The following ZDHHC11B variants were observed in gnomAD, a reference collection of about 807,000 sequenced individuals.
ZDHHC11B encodes probable palmitoyltransferase ZDHHC11B.
A neutral mutation model predicts 42.3 loss-of-function variants in ZDHHC11B; 17 were observed. That is an observed-to-expected ratio of 0.40 (90% CI 0.27 to 0.60). ZDHHC11B has a LOEUF of 0.60. Ranked by LOEUF, ZDHHC11B falls within the 20% of genes least tolerant of loss-of-function variation. ZDHHC11B has a pLI of 0.41. For missense variants in ZDHHC11B, 262 were observed against 463.2 expected, an observed-to-expected ratio of 0.57 and a Z score of 3.99; for synonymous variants, 123 against 193.5, an observed-to-expected ratio of 0.64 and a Z score of 3.02.
At chr5:783,575 A>G (rs1455687303) in intron 1 of ZDHHC11B, among the ~76,000 whole-genome samples, 2 of 152,214 alleles carry the variant, frequency 1.3e-5, no homozygotes, top group Non-Finnish European at 1.5e-5. Context: ...TGCCAGGTGG[A>G]TCAGCGGTGA....
At chr5:730,007 T>A (rs1385697840) in intron 12 of ZDHHC11B, among the ~76,000 whole-genome samples, 1 of 151,118 alleles carries the variant, frequency 6.6e-6, no homozygotes, top group East Asian at 1.9e-4. Context: ...GCTTTTTAGT[T>A]TGGAGGGTGA....
At chr5:758,181 C>A (rs772773848) in intron 4 of ZDHHC11B, among the ~76,000 whole-genome samples, 1 of 151,878 alleles carries the variant, frequency 6.6e-6, no homozygotes, top group Non-Finnish European at 1.5e-5. Flanking sequence ...CCTTGGGACG[C>A]TATCGGTGGC....
chr5:765,856 G>A (rs1227290828), intron 4 of ZDHHC11B, among the ~76,000 whole-genome samples: 6 of 151,874 alleles, frequency 4.0e-5, no homozygotes, highest in African/African-American at 4.8e-5. Flanking sequence ...GAGGGTCTGC[G>A]GCTTCATTCT....
At chr5:723,018 C>A (rs1195842904) in intron 12 of ZDHHC11B, among the ~76,000 whole-genome samples, 10 of 151,460 alleles carry the variant, frequency 6.6e-5, no homozygotes, top group Non-Finnish European at 1.5e-4. Context: ...ATCTAAGGAA[C>A]AAAATTTGAA....
intron 3 of ZDHHC11B, 121 bp downstream of exon 3, chr5:767,271 C>A: frequency 1.7e-6 from 2 of 1,184,018 alleles, no homozygotes; most frequent in Non-Finnish European, 2.4e-6. Context: ...ACCTGAGCTG[C>A]CATCTGGACG....
intron 12 of ZDHHC11B, among the ~76,000 whole-genome samples, chr5:727,769 T>C (rs1434998436): frequency 2.4e-5 from 3 of 124,228 alleles, no homozygotes; most frequent in Non-Finnish European, 3.5e-5. Context: ...GCTCTCTCCC[T>C]GTATGCAAAA....
At chr5:754,690 A>T (rs1455348803) in intron 6 of ZDHHC11B, among the ~76,000 whole-genome samples, 1 of 110,340 alleles carries the variant, frequency 9.1e-6, no homozygotes, top group Non-Finnish European at 2.0e-5. Context: ...CTGGGTGGAG[A>T]GAAGGCAGCC....
chr5:761,855 C>T (rs372141660), intron 4 of ZDHHC11B, among the ~76,000 whole-genome samples: 1 of 8,918 alleles, frequency 1.1e-4, no homozygotes, highest in Admixed American at 1.4e-3. Flanking sequence ...CAGCCTCTCA[C>T]AGACCAGACA....
chr5:724,614 G>T (rs57936239), intron 12 of ZDHHC11B, among the ~76,000 whole-genome samples: 47,875 of 117,766 alleles, frequency 0.41, 7,543 homozygotes, highest in African/African-American at 0.49. Flanking sequence ...CTGTCCTCTT[G>T]ATCTGCTTTC....
chr5:784,303 C>G (rs1356905165), intron 1 of ZDHHC11B, among the ~76,000 whole-genome samples: 1 of 151,862 alleles, frequency 6.6e-6, no homozygotes, highest in African/African-American at 2.4e-5. Context: ...GTTCCAGCCC[C>G]GGGCTGGGCA....
intron 1 of ZDHHC11B, among the ~76,000 whole-genome samples, chr5:773,041 C>T (rs1423630797): frequency 6.6e-6 from 1 of 151,992 alleles, no homozygotes; most frequent in Non-Finnish European, 1.5e-5. Context: ...GCCACACACA[C>T]AGATCAGGAG....
chr5:739,395 C>CACAA (rs1561134506), intron 10 of ZDHHC11B, among the ~76,000 whole-genome samples: 1 of 132,286 alleles, frequency 7.6e-6, no homozygotes, highest in Non-Finnish European at 1.6e-5. Context: ...GAGACTCTGT[C>CACAA]TCAAACAAAC....
At chr5:759,477 C>T (rs1224777382) in intron 4 of ZDHHC11B, among the ~76,000 whole-genome samples, 1 of 151,972 alleles carries the variant, frequency 6.6e-6, no homozygotes, top group Non-Finnish European at 1.5e-5. Context: ...CTACCGAGCT[C>T]GTGCTGCCCT....
chr5:757,823 G>T (rs144694410), intron 4 of ZDHHC11B, among the ~76,000 whole-genome samples: 1 of 151,836 alleles, frequency 6.6e-6, no homozygotes, highest in African/African-American at 2.4e-5. Flanking sequence ...TGCCCAGGCC[G>T]GGGTGTGGTG....
Position 712,086 on chromosome 5 carries a change from C to CA in ZDHHC11B, c.*203dup. On this transcript the variant is annotated 3_prime_UTR_variant, in exon 14 of 14. Transcript: ENST00000508859. ...TCTTTGGGTGTGATGAAGATGATGACAGAGATGGATGCTGGGCTCTGAGGG... is the reference window on the plus strand; with the variant it reads ...TCTTTGGGTGTGATGAAGATGATGACAAGAGATGGATGCTGGGCTCTGAGGG... 1 of 116,700 alleles carries CA rather than the reference C, an allele frequency of 8.6e-6. No individual in the cohort carries two copies. The highest frequency in any genetic ancestry group is 2.3e-4 in the East Asian group (1 of 4,294). The allele number at this position is 116,700 out of a possible 1,614,324, so 7.2% of individuals were successfully genotyped here. A position where few individuals can be genotyped will look rare whatever the true frequency, so the allele number is the denominator to read the frequency against.
chr5:777,051 T>C lies in ZDHHC11B; in HGVS notation c.-230+7617A>G, dbSNP rs983972110. Among the ~76,000 whole-genome samples, 17 of 151,878 alleles carry C rather than the reference T, an allele frequency of 1.1e-4. 1 individual carries two copies. Among genetic ancestry groups the C allele is most frequent in the African/African-American group, 3.6e-4 (15 of 41,342 alleles). ...CAGTGTGTCTGGAATTGGTGGGTTA[T>C]TGGTCTCGCTGACGTCAGGAATGAA... On this transcript the variant is annotated intron_variant, in intron 1 of 13. Transcript: ENST00000508859.
At position 729,291 on chromosome 5, in the gene ZDHHC11B, A is replaced by G. The variant is rs1156240565; in HGVS notation, c.1058+1143T>C. Among the ~76,000 whole-genome samples, 236 of 151,226 alleles carry G rather than the reference A, an allele frequency of 1.6e-3. 2 individuals carry two copies. Among genetic ancestry groups the G allele is most frequent in the African/African-American group, 5.4e-3 (222 of 41,104 alleles). ...CCACTGGGCCCTACCTGGTTTGGCC[A>G]TCTGGCCCCCCTGAGCAGCATGACC... On this transcript the variant is annotated intron_variant, in intron 12 of 13. Transcript: ENST00000508859.
At chr5:737,791 G>A (rs1743707153) in intron 10 of ZDHHC11B, among the ~76,000 whole-genome samples, 2 of 148,262 alleles carry the variant, frequency 1.3e-5, no homozygotes, top group Non-Finnish European at 3.0e-5. Context: ...CAGCACAGAA[G>A]GGACATACCT....
rs1486072608 is a variant in ZDHHC11B, at chr5:754,376, C to T, written c.503+622G>A. Reference sequence around the variant, plus strand: ...GCCTCCACCGTGATCAGGGGAAACACCTCTCATCCTTGTGCCTCCACCATG... The same window carrying T: ...GCCTCCACCGTGATCAGGGGAAACATCTCTCATCCTTGTGCCTCCACCATG... On this transcript the variant is annotated intron_variant, in intron 6 of 13. Transcript: ENST00000508859. Among the ~76,000 whole-genome samples the T allele has an allele frequency of 1.6e-5, 2 of 121,974 alleles. 1 individual carries two copies. Among genetic ancestry groups the T allele is most frequent in the Non-Finnish European group, 3.6e-5 (2 of 55,630 alleles). 80.0% of individuals were successfully genotyped at this position (121,974 alleles called of 152,430 possible).
Sources: gnomAD v4.1 joint callset for allele counts (sites outside exome capture counted in the v4.1 genomes callset) on GRCh38, gnomAD v4.1.1 for gene constraint, MANE v1.5 for transcripts, NCBI Gene and HGNC (gene_info 2026-07-23, HGNC 2026-07-21) for gene names.